SOX6: variants seen among roughly 807,000 people sequenced by gnomAD.
SOX6 encodes the protein SRY-box transcription factor 6.
Under a neutral mutation model 97.8 loss-of-function variants are expected in SOX6, and 11 were observed. The observed-to-expected ratio is 0.11, with a 90% CI of 0.07 to 0.19. The LOEUF (loss-of-function observed/expected upper bound fraction) is 0.19. Among genes scored for constraint, SOX6 ranks in the 10% least tolerant of loss-of-function variants. The pLI, the probability that SOX6 is intolerant of heterozygous loss-of-function variation, is 1.00. For synonymous variants in SOX6, 360 were observed against 371.4 expected (o/e 0.97, Z 0.35); for missense variants, 810 against 1,039.5 (o/e 0.78, Z 3.04).
chr11:16,284,937 C>T (rs1854688454), intron 3 of SOX6, among the ~76,000 whole-genome samples: 1 of 152,058 alleles, frequency 6.6e-6, no homozygotes, highest in Non-Finnish European at 1.5e-5. Flanking sequence ...CTTATCTCTT[C>T]TTATTTATGA....
intron 1 of SOX6, among the ~76,000 whole-genome samples, chr11:16,371,682 T>C (rs1857497951): frequency 6.6e-6 from 1 of 152,124 alleles, no homozygotes; most frequent in South Asian, 2.1e-4. Flanking sequence ...GTGATACATG[T>C]TGCATATGTA....
At chr11:16,711,156 C>T (rs1166076463) in intron 3 of SOX6, among the ~76,000 whole-genome samples, 1 of 152,194 alleles carries the variant, frequency 6.6e-6, no homozygotes, top group Admixed American at 6.6e-5. Context: ...CTACTCTTGA[C>T]CTCCTCCAAT....
intron 3 of SOX6, among the ~76,000 whole-genome samples, chr11:16,243,670 A>C (rs1463761521): frequency 6.6e-6 from 1 of 151,942 alleles, no homozygotes; most frequent in Admixed American, 6.6e-5. Flanking sequence ...TTTCCAGGCA[A>C]TCATCCATGC....
chr11:16,000,893 G>A (rs796389792), intron 13 of SOX6, among the ~76,000 whole-genome samples: 21 of 152,170 alleles, frequency 1.4e-4, no homozygotes, highest in South Asian at 2.1e-4. Flanking sequence ...GTCTCACTCT[G>A]TCACCCAGGC....
chr11:16,346,161 A>AG (rs35340620), intron 1 of SOX6, among the ~76,000 whole-genome samples: 132,380 of 151,970 alleles, frequency 0.87, 58,128 homozygotes, highest in Non-Finnish European at 0.92. Flanking sequence ...GACTCATTTC[A>AG]TCAGATAATT....
At chr11:15,981,311 C>G (rs978029030) in intron 15 of SOX6, among the ~76,000 whole-genome samples, 2 of 152,062 alleles carry the variant, frequency 1.3e-5, no homozygotes, top group Admixed American at 1.3e-4. Flanking sequence ...TTTAAGAACC[C>G]TTCCTCCCAG....
chr11:16,201,996 A>ATGAAAAG (rs2134128981), intron 4 of SOX6, among the ~76,000 whole-genome samples: 1 of 152,242 alleles, frequency 6.6e-6, no homozygotes, highest in Non-Finnish European at 1.5e-5. Context: ...TTTATTTTTC[A>ATGAAAAG]TGAAAAGTGA....
At chr11:16,280,798 T>G (rs751128382) in intron 3 of SOX6, among the ~76,000 whole-genome samples, 4 of 152,144 alleles carry the variant, frequency 2.6e-5, no homozygotes, top group Non-Finnish European at 5.9e-5. Flanking sequence ...GTGTTCATAT[T>G]GTATGGTTAT....
At chr11:16,265,763 T>C (rs924889518) in intron 3 of SOX6, among the ~76,000 whole-genome samples, 2 of 151,950 alleles carry the variant, frequency 1.3e-5, no homozygotes, top group African/African-American at 4.8e-5. Flanking sequence ...CAAAAAATTA[T>C]TTTAATCAAA....
chr11:16,348,618 T>C (rs926833976), intron 1 of SOX6, among the ~76,000 whole-genome samples: 9 of 152,092 alleles, frequency 5.9e-5, no homozygotes, highest in Admixed American at 2.0e-4. Context: ...ACTACAACTT[T>C]CCAGACATTT....
chr11:16,443,865 T>C (rs1048391432), intron 1 of SOX6, among the ~76,000 whole-genome samples: 2 of 151,918 alleles, frequency 1.3e-5, no homozygotes, highest in African/African-American at 4.8e-5. Context: ...ATACAAAAAT[T>C]AGCTTGGCGC....
At chr11:16,511,721 T>G (rs1364927723) in intron 4 of SOX6, among the ~76,000 whole-genome samples, 6 of 152,140 alleles carry the variant, frequency 3.9e-5, no homozygotes, top group Non-Finnish European at 7.3e-5. Context: ...TCACAGTGTT[T>G]ACCTTGAAAT....
chr11:15,968,157 G>A lies in SOX6; in HGVS notation c.*4652C>T, dbSNP rs1193579728. ...CATGTCAGGGAGCAGATGACTTAAGGAAATGATGCAAGTGCTTTTGTGAAA... is the reference window on the plus strand; with the variant it reads ...CATGTCAGGGAGCAGATGACTTAAGAAAATGATGCAAGTGCTTTTGTGAAA... On this transcript the variant is annotated 3_prime_UTR_variant, in exon 16 of 16. Transcript: ENST00000683767. The A allele has an allele frequency of 2.0e-5, 3 of 152,158 alleles. No individual in the cohort carries two copies. Among genetic ancestry groups the A allele is most frequent in the Non-Finnish European group, 2.9e-5 (2 of 68,034 alleles). The allele number at this position is 152,158 out of a possible 1,614,324, so 9.4% of individuals were successfully genotyped here.
chr11:16,262,873 C>T (rs976543641), intron 3 of SOX6, among the ~76,000 whole-genome samples: 1 of 151,902 alleles, frequency 6.6e-6, no homozygotes, highest in Non-Finnish European at 1.5e-5. Flanking sequence ...TAGTTAGTGG[C>T]TGAGAAATAC....
At chr11:16,100,063 A>G (rs779674292) in intron 7 of SOX6, among the ~76,000 whole-genome samples, 10 of 151,640 alleles carry the variant, frequency 6.6e-5, no homozygotes, top group Non-Finnish European at 8.9e-5. Flanking sequence ...GTAGAAAAGA[A>G]AAATTTAAGA....
chr11:16,660,654 G>A (rs1847759036), intron 3 of SOX6, among the ~76,000 whole-genome samples: 2 of 152,212 alleles, frequency 1.3e-5, no homozygotes, highest in African/African-American at 4.8e-5. Context: ...CCCACAAGGT[G>A]ATGGTACTAG....
At chr11:16,679,735 C>A (rs1847912085) in intron 3 of SOX6, among the ~76,000 whole-genome samples, 1 of 152,134 alleles carries the variant, frequency 6.6e-6, no homozygotes, top group Non-Finnish European at 1.5e-5. Context: ...AGAGGAATGG[C>A]TAACTCAAAC....
intron 4 of SOX6, among the ~76,000 whole-genome samples, chr11:16,496,150 A>G (rs1417513812): frequency 2.6e-5 from 4 of 152,252 alleles, no homozygotes; most frequent in Non-Finnish European, 5.9e-5. Context: ...GCAGATATCA[A>G]TGCAAAGATA....
At chr11:16,452,287 A>C (rs1004283) in intron 1 of SOX6, among the ~76,000 whole-genome samples, 30,884 of 152,086 alleles carry the variant, frequency 0.2, 3,378 homozygotes, top group Admixed American at 0.32. Flanking sequence ...AGTTGGGCTT[A>C]GGGGAGGCAG....
Sources: gnomAD v4.1 joint callset for allele counts (sites outside exome capture counted in the v4.1 genomes callset) on GRCh38, gnomAD v4.1.1 for gene constraint, MANE v1.5 for transcripts, NCBI Gene and HGNC (gene_info 2026-07-23, HGNC 2026-07-21) for gene names.